CAMK1D: variants seen among roughly 807,000 people sequenced by gnomAD.
CAMK1D encodes the protein calcium/calmodulin dependent protein kinase ID.
In CAMK1D, 9 loss-of-function variants were observed where a neutral mutation model predicts 47.7. That is an observed-to-expected ratio of 0.19 (90% CI 0.11 to 0.33). CAMK1D has a LOEUF of 0.33. Among genes scored for constraint, CAMK1D ranks in the 10% least tolerant of loss-of-function variants. CAMK1D has a pLI of 1.00. For synonymous variants in CAMK1D, 184 were observed against 184.9 expected, an observed-to-expected ratio of 0.99 and a Z score of 0.04; for missense variants, 291 against 488.7, an observed-to-expected ratio of 0.60 and a Z score of 3.81.
At chr10:12,383,797 G>A (rs1247623131) in intron 1 of CAMK1D, among the ~76,000 whole-genome samples, 1 of 152,170 alleles carries the variant, frequency 6.6e-6, no homozygotes, top group African/African-American at 2.4e-5. Context: ...CTAGCCTCAG[G>A]AGCGACACAA....
chr10:12,654,456 T>C (rs1840064006), intron 2 of CAMK1D, among the ~76,000 whole-genome samples: 1 of 152,216 alleles, frequency 6.6e-6, no homozygotes, highest in African/African-American at 2.4e-5. Context: ...CACAGAAATA[T>C]ATATTACCCT....
In CAMK1D at chr10:12,762,596, A is replaced by T. The variant is rs540124540; in HGVS notation, c.438+1510A>T. Among the ~76,000 whole-genome samples the T allele has an allele frequency of 5.3e-5, 8 of 152,196 alleles. No individual in the cohort carries two copies. The South Asian group carries it at 1.7e-3, about 32-fold the overall frequency. On this transcript the variant is annotated intron_variant, in intron 4 of 10. Transcript: ENST00000619168. ...TTCTGTAGGTCTCCGGTGGGGGCTG[A>T]AAACTTGCATTTCTAACAGGTCTGC...
intron 1 of CAMK1D, among the ~76,000 whole-genome samples, chr10:12,365,983 G>T (rs1837821520): frequency 6.6e-6 from 1 of 152,230 alleles, no homozygotes; most frequent in Non-Finnish European, 1.5e-5. Flanking sequence ...TGGAACCTGG[G>T]AGCCGGAGGC....
intron 1 of CAMK1D, among the ~76,000 whole-genome samples, chr10:12,436,817 G>A (rs546957675): frequency 7.2e-5 from 11 of 152,162 alleles, no homozygotes; most frequent in Middle Eastern, 3.2e-3. Context: ...CGTATTAAGT[G>A]CCCATGCGTT....
At chr10:12,822,313 G>A (rs1469511738) in intron 8 of CAMK1D, among the ~76,000 whole-genome samples, 2 of 152,198 alleles carry the variant, frequency 1.3e-5, no homozygotes, top group South Asian at 2.1e-4. Flanking sequence ...CAGGAAGACC[G>A]TGTAACACAG....
chr10:12,826,017 A>G, intron 10 of CAMK1D: 1 of 278,838 alleles, frequency 3.6e-6, no homozygotes, highest in African/African-American at 2.2e-5. Flanking sequence ...AGCACCTGTA[A>G]TGTCAGCTAC....
At chr10:12,541,796 C>T (rs749095882) in intron 1 of CAMK1D, among the ~76,000 whole-genome samples, 13 of 151,884 alleles carry the variant, frequency 8.6e-5, no homozygotes, top group Non-Finnish European at 1.8e-4. Context: ...GTTTCCTAGA[C>T]GGTCTCAAGC....
intron 8 of CAMK1D, among the ~76,000 whole-genome samples, chr10:12,822,447 T>A (rs1488327684): frequency 1.3e-5 from 2 of 152,226 alleles, no homozygotes; most frequent in Non-Finnish European, 2.9e-5. Flanking sequence ...TCTGGGCCCA[T>A]GTGAACCCAC....
intron 2 of CAMK1D, among the ~76,000 whole-genome samples, chr10:12,588,386 A>C (rs528717993): frequency 3.3e-5 from 5 of 152,176 alleles, no homozygotes; most frequent in Non-Finnish European, 7.3e-5. Context: ...CACAGAATGT[A>C]AATAAGAGGC....
chr10:12,816,544 A>G (rs916747547), intron 8 of CAMK1D, among the ~76,000 whole-genome samples: 2 of 152,004 alleles, frequency 1.3e-5, no homozygotes, highest in Non-Finnish European at 2.9e-5. Flanking sequence ...AGAAGTTAGT[A>G]TGTGTATTCG....
At chr10:12,413,531 A>ATAATGG (rs1839739339) in intron 1 of CAMK1D, among the ~76,000 whole-genome samples, 2 of 178 alleles carry the variant, frequency 0.011, no homozygotes, top group African/African-American at 0.026. Context: ...GATAATGGTG[A>ATAATGG]TGATGATGAG....
At chr10:12,622,279 G>A (rs949678479) in intron 2 of CAMK1D, among the ~76,000 whole-genome samples, 6 of 152,120 alleles carry the variant, frequency 3.9e-5, no homozygotes, top group African/African-American at 1.2e-4. Flanking sequence ...GTTGTTGTCT[G>A]CAAGTTTGTC....
intron 1 of CAMK1D, among the ~76,000 whole-genome samples, chr10:12,438,181 C>G (rs778269462): frequency 3.9e-5 from 6 of 152,212 alleles, no homozygotes. Context: ...TTCTGCACAC[C>G]TCATGATGGA....
intron 1 of CAMK1D, among the ~76,000 whole-genome samples, chr10:12,431,352 C>T (rs1832469361): frequency 6.6e-6 from 1 of 152,180 alleles, no homozygotes; most frequent in Admixed American, 6.5e-5. Context: ...CGGAGATCAG[C>T]TCATGGCTTA....
intron 6 of CAMK1D, among the ~76,000 whole-genome samples, chr10:12,796,343 C>T (rs917793594): frequency 7.9e-5 from 12 of 152,288 alleles, no homozygotes; most frequent in East Asian, 3.9e-4. Context: ...GCTGATGGTA[C>T]TCCACTTTCT....
At chr10:12,800,974 A>T (rs1838404957) in intron 6 of CAMK1D, among the ~76,000 whole-genome samples, 1 of 152,156 alleles carries the variant, frequency 6.6e-6, no homozygotes, top group South Asian at 2.1e-4. Context: ...AGTATGTTGC[A>T]TCATTTTCAT....
At chr10:12,589,425 A>G (rs974604165) in intron 2 of CAMK1D, among the ~76,000 whole-genome samples, 18 of 152,238 alleles carry the variant, frequency 1.2e-4, no homozygotes, top group Non-Finnish European at 2.1e-4. Flanking sequence ...GGTGGTTTCA[A>G]AACGAAGCCC....
intron 5 of CAMK1D, among the ~76,000 whole-genome samples, chr10:12,770,180 CTT>C (rs1000890916): frequency 2.6e-5 from 4 of 152,158 alleles, no homozygotes; most frequent in African/African-American, 9.7e-5. Flanking sequence ...CACAAGAAAA[CTT>C]TTTATTCCAA....
At chr10:12,440,213 A>T (rs552894130) in intron 1 of CAMK1D, among the ~76,000 whole-genome samples, 1 of 152,166 alleles carries the variant, frequency 6.6e-6, no homozygotes, top group Admixed American at 6.5e-5. Flanking sequence ...TAAAAGTCTT[A>T]CTTGCATTAT....
Sources: gnomAD v4.1 joint callset for allele counts (sites outside exome capture counted in the v4.1 genomes callset) on GRCh38, gnomAD v4.1.1 for gene constraint, MANE v1.5 for transcripts, NCBI Gene and HGNC (gene_info 2026-07-23, HGNC 2026-07-21) for gene names.